SNX14: variants seen among roughly 807,000 people sequenced by gnomAD.
SNX14 encodes sorting nexin 14.
Under a neutral mutation model 133.8 loss-of-function variants are expected in SNX14, and 93 were observed. That is an observed-to-expected ratio of 0.70 (90% CI 0.59 to 0.83). SNX14 has a LOEUF of 0.83. Among genes scored for constraint, SNX14 ranks in the 40% least tolerant of loss-of-function variants. The probability of loss-of-function intolerance (pLI) is 0.00; values close to 1 mark genes in which losing one functional copy is unlikely to be tolerated. For missense variants in SNX14, 945 were observed against 1,094.9 expected, an observed-to-expected ratio of 0.86 and a Z score of 1.93; for synonymous variants, 368 against 365.6, an observed-to-expected ratio of 1.01 and a Z score of -0.07.
At chr6:85,538,501 C>A (rs1438190188) in intron 16 of SNX14, among the ~76,000 whole-genome samples, 1 of 151,952 alleles carries the variant, frequency 6.6e-6, no homozygotes, top group African/African-American at 2.4e-5. Context: ...AAAAAAAGTT[C>A]TTTAAACATA....
chr6:85,526,888 G>A (rs2127967055), intron 20 of SNX14, among the ~76,000 whole-genome samples: 1 of 152,150 alleles, frequency 6.6e-6, no homozygotes, highest in Admixed American at 6.5e-5. Context: ...AGCCAACATG[G>A]CAAAACCCCG....
In SNX14 at chr6:85,506,047, G is replaced by A. The variant is rs763794537; in HGVS notation, c.2803-42C>T. The A allele has an allele frequency of 8.2e-6, 11 of 1,339,930 alleles. No homozygotes were observed. In the Admixed American group the frequency reaches 1.7e-4, roughly 21 times the overall value. 83.0% of individuals were successfully genotyped at this position (1,339,930 alleles called of 1,614,324 possible). The stretch of plus-strand genomic sequence containing the variant: ...TCCATTTAATAGAAGACAAGACACA[G>A]GTTCATTTGTAAATTGCCTAACAGC... On this transcript the variant is annotated intron_variant, in intron 28 of 28. Transcript: ENST00000314673.
chr6:85,588,622 C>A (rs1289953622), intron 1 of SNX14, among the ~76,000 whole-genome samples: 1 of 143,270 alleles, frequency 7.0e-6, no homozygotes, highest in African/African-American at 2.7e-5. Flanking sequence ...ATTTTAATTC[C>A]TAAATCAGAT....
intron 5 of SNX14, among the ~76,000 whole-genome samples, chr6:85,565,970 T>C (rs568691306): frequency 1.4e-4 from 21 of 152,322 alleles, no homozygotes; most frequent in African/African-American, 4.8e-4. Context: ...ATTAGAACAC[T>C]TCCCTAATCA....
At chr6:85,523,090 C>G (rs760156306) in intron 21 of SNX14, among the ~76,000 whole-genome samples, 4 of 151,958 alleles carry the variant, frequency 2.6e-5, no homozygotes, top group African/African-American at 4.8e-5. Flanking sequence ...GGCATTGGAG[C>G]AAAAGAATAT....
intron 12 of SNX14, among the ~76,000 whole-genome samples, chr6:85,545,702 G>T (rs892414331): frequency 6.6e-6 from 1 of 152,028 alleles, no homozygotes; most frequent in African/African-American, 2.4e-5. Context: ...ATTTATTTTT[G>T]AGACAGAGTC....
chr6:85,510,952 C>A (rs909063684), intron 26 of SNX14, among the ~76,000 whole-genome samples: 4 of 152,140 alleles, frequency 2.6e-5, no homozygotes, highest in African/African-American at 9.7e-5. Context: ...TTTGTCAATA[C>A]CCACAAAACA....
At chr6:85,579,308 A>C (rs1798324569) in intron 1 of SNX14, among the ~76,000 whole-genome samples, 2 of 152,184 alleles carry the variant, frequency 1.3e-5, no homozygotes, top group Admixed American at 1.3e-4. Flanking sequence ...CCAAGCAAAA[A>C]GCAAAAAAAG....
rs772668379 is a variant in SNX14 at position 85,528,382 on chromosome 6, T to C, written c.1895-20A>G. ...ATGCACCTGAAATTAGTATATATTA[T>C]AGTTATTACTGTGTTCTGCTACTAT... On this transcript the variant is annotated intron_variant, in intron 19 of 28. Coordinates refer to ENST00000314673, the MANE Select transcript of SNX14 (RefSeq NM_153816.6). 6.4e-7 allele frequency: 1 copy of C among 1,563,024 alleles called. No homozygotes were observed. Among genetic ancestry groups the C allele is most frequent in the Non-Finnish European group, 8.8e-7 (1 of 1,142,092 alleles).
chr6:85,564,987 T>TA (rs766090823), intron 6 of SNX14, among the ~76,000 whole-genome samples: 9,375 of 133,586 alleles, frequency 0.07, 937 homozygotes, highest in African/African-American at 0.23. Flanking sequence ...AAACTCTGTC[T>TA]AAAAAAAAAA....
chr6:85,585,989 G>C, intron 1 of SNX14, among the ~76,000 whole-genome samples: 1 of 125,936 alleles, frequency 7.9e-6, no homozygotes, highest in African/African-American at 3.2e-5. Context: ...CCCCGCAACA[G>C]GAAAAAAAAA....
At chr6:85,508,406 C>T (rs1771520238) in intron 26 of SNX14, 1 of 992,970 alleles carries the variant, frequency 1.0e-6, no homozygotes, top group Non-Finnish European at 1.2e-6. Context: ...AAATTAAACC[C>T]TAAAATGATG....
intron 23 of SNX14, among the ~76,000 whole-genome samples, chr6:85,516,981 C>G (rs772242848): frequency 5.3e-5 from 8 of 152,208 alleles, no homozygotes; most frequent in Non-Finnish European, 8.8e-5. Context: ...ACAAAAAGAG[C>G]TACACCACAC....
chr6:85,514,697 G>A, intron 23 of SNX14, 68 bp from the exon 24 acceptor site: 1 of 1,493,052 alleles, frequency 6.7e-7, no homozygotes, highest in Non-Finnish European at 9.2e-7. Context: ...AATCAATAAG[G>A]ATTAAGTGTC....
At chr6:85,584,400 G>A (rs1562008079) in intron 1 of SNX14, among the ~76,000 whole-genome samples, 3 of 152,262 alleles carry the variant, frequency 2.0e-5, no homozygotes, top group East Asian at 1.9e-4. Flanking sequence ...TGACAAATGG[G>A]ATCTAGTTAA....
chr6:85,525,358 T>A (rs1354350508), intron 21 of SNX14, among the ~76,000 whole-genome samples: 1 of 152,196 alleles, frequency 6.6e-6, no homozygotes, highest in African/African-American at 2.4e-5. Flanking sequence ...ATTATAAAGT[T>A]ACTTTGAAAT....
Position 85,507,305 on chromosome 6 carries a change from A to T in SNX14, c.2746-16T>A. On this transcript the variant is annotated splice_polypyrimidine_tract_variant and intron_variant, in intron 27 of 28. Coordinates refer to ENST00000314673, the MANE Select transcript of SNX14 (RefSeq NM_153816.6). ...CATAAGTCAGCTAAAGCACCAAAAA[A>T]TAATAATAATAAATGTTAAGGCACT... 1 of 1,587,004 alleles carries T rather than the reference A, an allele frequency of 6.3e-7. No individual in the cohort carries two copies. Among genetic ancestry groups the T allele is most frequent in the East Asian group, 2.2e-5 (1 of 44,502 alleles).
chr6:85,512,784 G>T (rs909491070), intron 26 of SNX14, among the ~76,000 whole-genome samples: 3 of 152,174 alleles, frequency 2.0e-5, no homozygotes, highest in African/African-American at 7.2e-5. Context: ...GAGTTCACGG[G>T]TTTCTGCTGC....
chr6:85,593,292 T>G (rs1454414774), intron 1 of SNX14, among the ~76,000 whole-genome samples: 2 of 152,128 alleles, frequency 1.3e-5, no homozygotes, highest in African/African-American at 2.4e-5. Flanking sequence ...GGATTTCACT[T>G]TTGAAAAGCA....
Sources: gnomAD v4.1 joint callset for allele counts (sites outside exome capture counted in the v4.1 genomes callset) on GRCh38, gnomAD v4.1.1 for gene constraint, MANE v1.5 for transcripts, NCBI Gene and HGNC (gene_info 2026-07-23, HGNC 2026-07-21) for gene names.